BLM: variants seen among roughly 807,000 people sequenced by gnomAD.
BLM encodes the protein BLM RecQ like helicase, also known as recQ-like DNA helicase BLM.
A neutral mutation model predicts 135.3 loss-of-function variants in BLM; 95 were observed. The observed-to-expected ratio is 0.70, with a 90% CI of 0.59 to 0.83. The LOEUF (loss-of-function observed/expected upper bound fraction) is 0.83. Among genes scored for constraint, BLM ranks in the 40% least tolerant of loss-of-function variants. The probability of loss-of-function intolerance (pLI) is 0.00; values close to 1 mark genes in which losing one functional copy is unlikely to be tolerated. For missense variants in BLM, 1,518 were observed against 1,663.9 expected (o/e 0.91, Z 1.53); for synonymous variants, 520 against 589.2 (o/e 0.88, Z 1.70).
intron 10 of BLM, 106 bp from the exon 11 acceptor site, chr15:90,769,027 T>C (rs1385577279): frequency 2.0e-5 from 20 of 1,015,066 alleles, no homozygotes; most frequent in Non-Finnish European, 2.5e-5. Flanking sequence ...CACCCGGCCT[T>C]ATAGAGGTTT....
At chr15:90,778,255 TAAAAGTAATTTGTTTGACTA>T (rs1164116238) in intron 12 of BLM, among the ~76,000 whole-genome samples, 1 of 152,212 alleles carries the variant, frequency 6.6e-6, no homozygotes, top group Non-Finnish European at 1.5e-5. Context: ...TTATTTTTAG[TAAAAGTAATTTGTTTGACTA>T]AATTAACTGG....
chr15:90,753,229 T>G (rs1343780917), intron 4 of BLM, among the ~76,000 whole-genome samples: 1 of 151,946 alleles, frequency 6.6e-6, no homozygotes, highest in Non-Finnish European at 1.5e-5. Flanking sequence ...CTGGGCAACA[T>G]AGCGAGACCC....
At chr15:90,748,335 T>C (rs1895564369) in intron 2 of BLM, among the ~76,000 whole-genome samples, 2 of 151,624 alleles carry the variant, frequency 1.3e-5, no homozygotes, top group African/African-American at 2.4e-5. Context: ...CTCAAACTCC[T>C]GACCTCAAGT....
At chr15:90,717,515 G>A (rs756757773) in intron 1 of BLM, 75 bp downstream of exon 1, 2 of 152,812 alleles carry the variant, frequency 1.3e-5, no homozygotes, top group Non-Finnish European at 2.9e-5. Flanking sequence ...CCCGGAGCTG[G>A]AGGCCGCTCG....
chr15:90,757,891 T>A (rs1346158127), intron 5 of BLM, among the ~76,000 whole-genome samples: 1 of 147,708 alleles, frequency 6.8e-6, no homozygotes. Context: ...TTTCCTTTTT[T>A]TCATCTTTTT....
intron 1 of BLM, among the ~76,000 whole-genome samples, chr15:90,718,422 G>A (rs1894666640): frequency 6.6e-6 from 1 of 152,208 alleles, no homozygotes; most frequent in Non-Finnish European, 1.5e-5. Context: ...AGATGGAGCA[G>A]GTGACTGACA....
chr15:90,782,467 G>A (rs965215435), intron 12 of BLM, among the ~76,000 whole-genome samples: 19 of 152,284 alleles, frequency 1.2e-4, no homozygotes, highest in Admixed American at 1.1e-3. Flanking sequence ...TAGACTGGGT[G>A]GCTTAAACAA....
At chr15:90,757,894 ATC>A (rs1231735479) in intron 5 of BLM, among the ~76,000 whole-genome samples, 2 of 138,172 alleles carry the variant, frequency 1.4e-5, no homozygotes, top group African/African-American at 5.5e-5. Context: ...CCTTTTTTTC[ATC>A]TTTTTTTTTT....
chr15:90,744,223 G>A (rs1895441263), intron 1 of BLM, among the ~76,000 whole-genome samples: 1 of 152,124 alleles, frequency 6.6e-6, no homozygotes, highest in African/African-American at 2.4e-5. Context: ...CTTGTCAGTA[G>A]TCTACTTTGT....
chr15:90,761,059 T>A lies in BLM; in HGVS notation c.1686T>A (p.Asp562Glu), dbSNP rs1895971165. 1 of 1,585,090 alleles carries A rather than the reference T, an allele frequency of 6.3e-7. No individual in the cohort carries two copies. The highest frequency in any genetic ancestry group is 8.6e-7 in the Non-Finnish European group (1 of 1,168,364). ...DIDNFDIDDF[D>E]DDDDWEDIMH... ...ATAATTTTGACATAGATGACTTTGA[T>A]GATGATGATGACTGGGAAGACATAA... The change falls in exon 7 of 22, where the codon GAT becomes GAA. Residue 562 changes from aspartate (D) to glutamate (E), a missense_variant. Physicochemically the swap from Asp to Glu is conservative, Grantham distance 45. Coordinates refer to ENST00000355112, the MANE Select transcript of BLM (RefSeq NM_000057.4).
chr15:90,784,834 T>A, intron 13 of BLM, 87 bp from the exon 14 acceptor site: 1 of 1,384,368 alleles, frequency 7.2e-7, no homozygotes, highest in South Asian at 1.2e-5. Flanking sequence ...CTATTTATGG[T>A]TCATATATTT....
Position 90,760,813 on chromosome 15 carries a change from T to G in BLM, c.1440T>G (p.Ser480=), listed in dbSNP as rs1895957975. 1 of 1,613,980 alleles carries G rather than the reference T, an allele frequency of 6.2e-7. No homozygotes were observed. The highest frequency in any genetic ancestry group is 1.3e-5 in the African/African-American group (1 of 74,948). ...CCACCCTAGGAAAGACAGGATTCTC[T>G]GCCACCAGGAAGAATCTTTTTGAAA... ...LTTTLGKTGF[S]ATRKNLFERP... The change falls in exon 7 of 22, where the codon TCT becomes TCG. Residue 480 remains serine (S), a synonymous_variant. Transcript: ENST00000355112.
At chr15:90,777,899 G>C (rs1175070985) in intron 12 of BLM, among the ~76,000 whole-genome samples, 1 of 152,114 alleles carries the variant, frequency 6.6e-6, no homozygotes, top group African/African-American at 2.4e-5. Flanking sequence ...GTTTTCAAGG[G>C]TCATCCATGT....
chr15:90,760,506 A>G, intron 6 of BLM, 88 bp from the exon 7 acceptor site: 8 of 1,384,824 alleles, frequency 5.8e-6, no homozygotes, highest in South Asian at 5.1e-5. Context: ...TACAATTTCT[A>G]TTTGGTATGA....
At chr15:90,736,055 A>G (rs945813269) in intron 1 of BLM, among the ~76,000 whole-genome samples, 1 of 152,244 alleles carries the variant, frequency 6.6e-6, no homozygotes, top group Admixed American at 6.5e-5. Flanking sequence ...GTAAATTTAA[A>G]GCTGCACTGA....
In BLM at chr15:90,799,092, G is replaced by A. The variant is rs545038000; in HGVS notation, c.3358+755G>A. ...AGGCAGGAGAATCGCTTGAACCTGGGAGGTGGAGGTTGCAGTGAGCCGAGG... is the reference window on the plus strand; with the variant it reads ...AGGCAGGAGAATCGCTTGAACCTGGAAGGTGGAGGTTGCAGTGAGCCGAGG... On this transcript the variant is annotated intron_variant, in intron 17 of 21. Transcript: ENST00000355112. Among the ~76,000 whole-genome samples the A allele has an allele frequency of 2.6e-5, 4 of 151,790 alleles. No individual in the cohort carries two copies. The South Asian group carries it at 8.3e-4, about 32-fold the overall frequency.
chr15:90,729,476 T>A (rs1471449040), intron 1 of BLM, among the ~76,000 whole-genome samples: 1 of 152,196 alleles, frequency 6.6e-6, no homozygotes, highest in African/African-American at 2.4e-5. Context: ...CTTCCCCTTT[T>A]CAGCTTTTAG....
At chr15:90,798,975 C>G (rs958317890) in intron 17 of BLM, among the ~76,000 whole-genome samples, 3 of 151,176 alleles carry the variant, frequency 2.0e-5, no homozygotes, top group African/African-American at 7.3e-5. Flanking sequence ...AAGAGTGAAA[C>G]TGTGTCTCAA....
rs746195311 is a variant in BLM, at chr15:90,749,473, G to A, written c.205G>A (p.Glu69Lys). The change falls in exon 3 of 22, where the codon GAA becomes AAA. Residue 69 changes from glutamate to lysine, a missense_variant. By Grantham distance (56) the Glu-to-Lys change is moderately conservative (BLOSUM62 1). Coordinates refer to ENST00000355112, the MANE Select transcript of BLM (RefSeq NM_000057.4). ...AAGAAATAAAGATGTTAATGTTACC[G>A]AAGACTTTTCCTTCAGTGAACCTCT... ...VLRNKDVNVT[E>K]DFSFSEPLPN... 6.7e-5 allele frequency: 108 copies of A among 1,613,598 alleles called. 1 individual carries two copies. The South Asian group carries it at 7.2e-4, about 11-fold the overall frequency.
Sources: allele counts gnomAD v4.1 joint callset (sites outside exome capture counted in the v4.1 genomes callset), GRCh38; gene constraint gnomAD v4.1.1; transcripts MANE v1.5; gene names NCBI Gene and HGNC (gene_info 2026-07-23, HGNC 2026-07-21).